NOL4: variants seen among roughly 807,000 people sequenced by gnomAD.
NOL4 encodes the protein nucleolar protein 4, also known as cancer/testis antigen 125.
A neutral mutation model predicts 75.9 loss-of-function variants in NOL4; 17 were observed. The ratio of observed to expected loss-of-function variants is 0.22; its 90% confidence interval spans 0.15 to 0.34. The LOEUF (loss-of-function observed/expected upper bound fraction) is 0.34, where lower values mean the gene tolerates loss of function less well. Among genes scored for constraint, NOL4 ranks in the 10% least tolerant of loss-of-function variants. The pLI is 1.00. For missense variants in NOL4, 614 were observed against 793.5 expected (o/e 0.77, Z 2.72); for synonymous variants, 292 against 289.9 (o/e 1.01, Z -0.07).
intron 5 of NOL4, chr18:34,048,641 C>T (rs2076491447): frequency 3.1e-6 from 3 of 983,106 alleles, no homozygotes; most frequent in Non-Finnish European, 2.4e-6. Flanking sequence ...GCTATGACAA[C>T]GGAGCACATT....
Position 33,897,138 on chromosome 18 carries a change from G to T in NOL4, c.1543-13714C>A, listed in dbSNP as rs1184313216. ...TAACAGATGCTGGTGAGGTTATGGA[G>T]AAAAGGGAACACTTACACCTTGTTG... On this transcript the variant is annotated intron_variant, in intron 9 of 10. Transcript: ENST00000261592. 2.0e-5 allele frequency among the ~76,000 whole-genome samples: 3 copies of T among 152,280 alleles called. No individual in the cohort carries two copies. In the East Asian group the frequency reaches 5.8e-4, roughly 29 times the overall value.
At chr18:34,033,177 G>A (rs200486572) in intron 5 of NOL4, among the ~76,000 whole-genome samples, 1 of 151,954 alleles carries the variant, frequency 6.6e-6, no homozygotes. Context: ...CCTTTAAAGG[G>A]CCATAATTTT....
intron 1 of NOL4, among the ~76,000 whole-genome samples, chr18:34,133,358 A>G (rs1568378623): frequency 6.6e-6 from 1 of 151,898 alleles, no homozygotes; most frequent in Non-Finnish European, 1.5e-5. Flanking sequence ...AACATATGAT[A>G]ATAATGCTAA....
At chr18:34,018,829 C>G (rs2074860687) in intron 6 of NOL4, among the ~76,000 whole-genome samples, 1 of 151,902 alleles carries the variant, frequency 6.6e-6, no homozygotes, top group African/African-American at 2.4e-5. Flanking sequence ...CATCCAGGAC[C>G]CTCACACTTA....
chr18:34,013,476 T>G (rs1234472083), intron 6 of NOL4, among the ~76,000 whole-genome samples: 2 of 151,938 alleles, frequency 1.3e-5, no homozygotes, highest in African/African-American at 2.4e-5. Context: ...CCTTGTCAAC[T>G]AAAGAGTAAA....
intron 2 of NOL4, among the ~76,000 whole-genome samples, chr18:34,107,935 G>A (rs889296875): frequency 6.6e-6 from 1 of 152,132 alleles, no homozygotes; most frequent in Non-Finnish European, 1.5e-5. Flanking sequence ...GAATAAGGTA[G>A]AAAAGACGGT....
chr18:33,995,928 T>C (rs2073249189), intron 6 of NOL4, among the ~76,000 whole-genome samples: 1 of 151,902 alleles, frequency 6.6e-6, no homozygotes, highest in Non-Finnish European at 1.5e-5. Context: ...TCTATCCTAT[T>C]AGGTCTAGCT....
chr18:34,188,910 T>C (rs1029993150), intron 1 of NOL4, among the ~76,000 whole-genome samples: 1 of 152,144 alleles, frequency 6.6e-6, no homozygotes, highest in Admixed American at 6.5e-5. Flanking sequence ...TTTATACTAA[T>C]ATTGGTACTT....
At chr18:33,919,983 C>T (rs572812472) in intron 9 of NOL4, among the ~76,000 whole-genome samples, 1 of 152,176 alleles carries the variant, frequency 6.6e-6, no homozygotes, top group Non-Finnish European at 1.5e-5. Flanking sequence ...ATATTTTCTA[C>T]ATTCATGAAA....
chr18:34,005,019 G>A (rs2073956486), intron 6 of NOL4, among the ~76,000 whole-genome samples: 1 of 152,010 alleles, frequency 6.6e-6, no homozygotes, highest in Non-Finnish European at 1.5e-5. Flanking sequence ...AAATTCAACT[G>A]AAAAGTAAAT....
chr18:33,991,544 A>G (rs924495824), intron 6 of NOL4, among the ~76,000 whole-genome samples: 1 of 151,872 alleles, frequency 6.6e-6, no homozygotes, highest in Non-Finnish European at 1.5e-5. Context: ...TTTTTTTACA[A>G]TTGTGGTGTT....
At chr18:34,044,866 T>G (rs145637067) in intron 5 of NOL4, among the ~76,000 whole-genome samples, 114 of 152,294 alleles carry the variant, frequency 7.5e-4, no homozygotes, top group African/African-American at 2.7e-3. Context: ...TCTTGAAGGT[T>G]CTTTCTTTAA....
At chr18:34,098,889 C>T (rs2078912203) in intron 4 of NOL4, among the ~76,000 whole-genome samples, 1 of 152,096 alleles carries the variant, frequency 6.6e-6, no homozygotes, top group Non-Finnish European at 1.5e-5. Context: ...GGAGGTAGAG[C>T]AGCATGTCAG....
intron 1 of NOL4, among the ~76,000 whole-genome samples, chr18:34,198,464 G>T (rs1217615690): frequency 6.6e-6 from 1 of 151,526 alleles, no homozygotes; most frequent in Non-Finnish European, 1.5e-5. Context: ...TTATTTTTCA[G>T]TGTGCTTTTA....
intron 5 of NOL4, among the ~76,000 whole-genome samples, chr18:34,049,093 C>T (rs369095374): frequency 4.9e-5 from 7 of 143,348 alleles, no homozygotes; most frequent in Non-Finnish European, 1.1e-4. Flanking sequence ...CACACACACA[C>T]ACACACACAC....
intron 6 of NOL4, among the ~76,000 whole-genome samples, chr18:33,970,648 C>T (rs1384249879): frequency 6.6e-6 from 1 of 151,500 alleles, no homozygotes; most frequent in Non-Finnish European, 1.5e-5. Context: ...TCACATTATC[C>T]TCATAACTTA....
chr18:34,078,256 G>C (rs2145356524), intron 5 of NOL4, among the ~76,000 whole-genome samples: 1 of 152,242 alleles, frequency 6.6e-6, no homozygotes, highest in South Asian at 2.1e-4. Flanking sequence ...ATCAACATTG[G>C]TCACATCACA....
chr18:34,057,698 T>G (rs902760798), intron 5 of NOL4, among the ~76,000 whole-genome samples: 5 of 152,226 alleles, frequency 3.3e-5, no homozygotes, highest in Non-Finnish European at 4.4e-5. Flanking sequence ...GAATATTTCC[T>G]GAAGGAAGTT....
intron 1 of NOL4, among the ~76,000 whole-genome samples, chr18:34,201,594 A>T (rs1160903474): frequency 6.6e-6 from 1 of 151,862 alleles, no homozygotes; most frequent in Non-Finnish European, 1.5e-5. Context: ...TTCTCCATTA[A>T]CATAAAATAT....
Sources: gnomAD v4.1 joint callset for allele counts (sites outside exome capture counted in the v4.1 genomes callset) on GRCh38, gnomAD v4.1.1 for gene constraint, MANE v1.5 for transcripts, NCBI Gene and HGNC (gene_info 2026-07-23, HGNC 2026-07-21) for gene names.